Variants in SSH2 observed in about 807,000 individuals in gnomAD.
SSH2 encodes the protein protein phosphatase Slingshot homolog 2.
Under a neutral mutation model 135.2 loss-of-function variants are expected in SSH2, and 37 were observed. That is an observed-to-expected ratio of 0.27 (90% CI 0.21 to 0.36). SSH2 has a LOEUF of 0.36. SSH2 is among the 10% of genes least tolerant of loss of function. The pLI is 1.00. For synonymous variants in SSH2, 628 were observed against 646.2 expected, an observed-to-expected ratio of 0.97 and a Z score of 0.43; for missense variants, 1,408 against 1,765.3, an observed-to-expected ratio of 0.80 and a Z score of 3.63.
intron 2 of SSH2, among the ~76,000 whole-genome samples, chr17:29,830,204 A>G (rs1217292860): frequency 1.3e-5 from 2 of 152,168 alleles, no homozygotes; most frequent in Non-Finnish European, 2.9e-5. Context: ...CTTTATCAGC[A>G]CCAGCTTGAG....
intron 13 of SSH2, 119 bp downstream of exon 13, chr17:29,650,535 T>C (rs2036544653): frequency 4.1e-6 from 4 of 966,136 alleles, no homozygotes; most frequent in Admixed American, 5.9e-5. Flanking sequence ...GTCTCCTCCT[T>C]TCCTTAGTTC....
At chr17:29,854,368 C>T (rs978155019) in intron 1 of SSH2, among the ~76,000 whole-genome samples, 11 of 151,638 alleles carry the variant, frequency 7.3e-5, no homozygotes, top group African/African-American at 2.7e-4. Context: ...TATGGGGACG[C>T]AAAAACTACA....
chr17:29,842,961 C>T (rs1348885184), intron 2 of SSH2, among the ~76,000 whole-genome samples: 3 of 152,170 alleles, frequency 2.0e-5, no homozygotes, highest in Non-Finnish European at 4.4e-5. Context: ...CTTCTTAGCA[C>T]CAAATTTCCC....
intron 12 of SSH2, 141 bp from the exon 13 acceptor site, chr17:29,650,941 A>C (rs2036557392): frequency 9.3e-6 from 6 of 648,130 alleles, no homozygotes; most frequent in Non-Finnish European, 2.4e-6. Flanking sequence ...TAAAAAACTA[A>C]GAGGTTATAT....
Position 29,783,785 on chromosome 17 carries a change from G to A in SSH2, c.188+10109C>T, listed in dbSNP as rs149786180. ...TGTTACCTTTAAGAGTAATTGGGGG[G>A]GCCGGGCGCGGTGGCTCACGCCTGT... On this transcript the variant is annotated intron_variant, in intron 3 of 15. Transcript: ENST00000540801. Among the ~76,000 whole-genome samples the A allele has an allele frequency of 9.3e-4, 141 of 152,208 alleles. 2 individuals are homozygous for A. The highest frequency in any genetic ancestry group is 3.4e-3 in the Middle Eastern group (1 of 292).
Position 29,677,684 on chromosome 17 carries a change from C to G in SSH2, c.537G>C (p.Leu179Phe). ...LPLWSDTLIHLDGDGGFSVST... is the reference protein window; with the variant it reads ...LPLWSDTLIHFDGDGGFSVST... ...AGGAAATCTCTTACCCATCACCATC[C>G]AAATGAATTAGCGTGTCGCTCCAGA... Residue 179 changes from leucine (L) to phenylalanine (F), a missense_variant, in exon 7 of 16, where the codon TTG (leucine) becomes TTC (phenylalanine). Transcript: ENST00000540801. The G allele has an allele frequency of 6.2e-7, 1 of 1,613,982 alleles. No homozygotes were observed. Among genetic ancestry groups the G allele is most frequent in the Non-Finnish European group, 8.5e-7 (1 of 1,179,890 alleles).
chr17:29,689,157 C>CA (rs5819872), intron 5 of SSH2, among the ~76,000 whole-genome samples: 9 of 145,120 alleles, frequency 6.2e-5, no homozygotes, highest in South Asian at 4.4e-4. Flanking sequence ...GTGAGACTCT[C>CA]AAAAAAAAAA....
At chr17:29,643,375 T>A in intron 14 of SSH2, 1 of 575,806 alleles carries the variant, frequency 1.7e-6, no homozygotes, top group Non-Finnish European at 2.2e-6. Flanking sequence ...TCAGGAAATG[T>A]GGCACTTCCC....
At chr17:29,690,182 T>C (rs1159965039) in intron 5 of SSH2, among the ~76,000 whole-genome samples, 2 of 152,024 alleles carry the variant, frequency 1.3e-5, no homozygotes. Context: ...GGCGGGCAGA[T>C]CACCTGAGGT....
intron 8 of SSH2, among the ~76,000 whole-genome samples, chr17:29,673,178 C>T (rs975068558): frequency 6.6e-6 from 1 of 152,080 alleles, no homozygotes; most frequent in Admixed American, 6.6e-5. Context: ...ATTTTGTTTA[C>T]CCAAGTGACT....
chr17:29,684,760 A>G, intron 5 of SSH2, 76 bp from the exon 6 acceptor site: 4 of 1,374,382 alleles, frequency 2.9e-6, no homozygotes, highest in Non-Finnish European at 4.0e-6. Flanking sequence ...CTTTTTCATC[A>G]GCATCTTAAA....
At chr17:29,872,230 A>G (rs753565435) in intron 1 of SSH2, among the ~76,000 whole-genome samples, 1 of 152,232 alleles carries the variant, frequency 6.6e-6, no homozygotes, top group Non-Finnish European at 1.5e-5. Flanking sequence ...TTTGTTTTAC[A>G]ATCCCATGGA....
At chr17:29,633,025 CCTAT>C in intron 15 of SSH2, 94 bp from the exon 16 acceptor site, 2 of 1,127,632 alleles carry the variant, frequency 1.8e-6, no homozygotes, top group Non-Finnish European at 2.5e-6. Flanking sequence ...TCCAGGACAA[CCTAT>C]CTGACTAAGA....
chr17:29,855,948 G>A, intron 1 of SSH2: 1 of 281,720 alleles, frequency 3.5e-6, no homozygotes, highest in Non-Finnish European at 6.7e-6. Context: ...AAATAGAAAG[G>A]AAGTGGCTAC....
At chr17:29,872,297 C>T (rs1321576033) in intron 1 of SSH2, among the ~76,000 whole-genome samples, 1 of 152,186 alleles carries the variant, frequency 6.6e-6, no homozygotes, top group East Asian at 1.9e-4. Flanking sequence ...ATAACATCAA[C>T]ATGAACTCTT....
At chr17:29,854,033 T>C (rs967638544) in intron 1 of SSH2, among the ~76,000 whole-genome samples, 1 of 151,780 alleles carries the variant, frequency 6.6e-6, no homozygotes, top group Admixed American at 6.6e-5. Context: ...TAATAATAAA[T>C]ATTACTGTAA....
intron 3 of SSH2, among the ~76,000 whole-genome samples, chr17:29,730,549 C>T (rs2040148856): frequency 6.6e-6 from 1 of 151,652 alleles, no homozygotes; most frequent in African/African-American, 2.4e-5. Flanking sequence ...AATCATCTCA[C>T]TTCAGCCTTC....
Position 29,912,146 on chromosome 17 carries a change from C to T in SSH2, c.63+17792G>A, listed in dbSNP as rs148026217. 1.5e-3 allele frequency among the ~76,000 whole-genome samples: 226 copies of T among 152,214 alleles called. 1 individual carries two copies. The highest frequency in any genetic ancestry group is 5.2e-3 in the African/African-American group (214 of 41,544). On this transcript the variant is annotated intron_variant, in intron 1 of 15. Coordinates refer to ENST00000540801, the MANE Select transcript of SSH2 (RefSeq NM_001282129.2). The stretch of plus-strand genomic sequence containing the variant: ...TGGTACAGCCACTGCTGGCACTGTA[C>T]CTTTTACCCCTTTCTGCAACAAATA...
chr17:29,788,668 A>C (rs572684715), intron 3 of SSH2, among the ~76,000 whole-genome samples: 47 of 143,982 alleles, frequency 3.3e-4, no homozygotes, highest in Admixed American at 2.2e-4. Context: ...CTCTCTATAT[A>C]TATCTATCTA....
Sources: gnomAD v4.1 joint callset for allele counts (sites outside exome capture counted in the v4.1 genomes callset) on GRCh38, gnomAD v4.1.1 for gene constraint, MANE v1.5 for transcripts, NCBI Gene and HGNC (gene_info 2026-07-23, HGNC 2026-07-21) for gene names.